PPARGC1B: variants seen among roughly 807,000 people sequenced by gnomAD.
The protein encoded by PPARGC1B is peroxisome proliferator-activated receptor gamma coactivator 1-beta.
Under a neutral mutation model 101.6 loss-of-function variants are expected in PPARGC1B, and 34 were observed. That is an observed-to-expected ratio of 0.33 (90% confidence interval 0.25 to 0.45). The LOEUF is 0.45. Among genes scored for constraint, PPARGC1B ranks in the 20% least tolerant of loss-of-function variants. The pLI, the probability that PPARGC1B is intolerant of heterozygous loss-of-function variation, is 1.00. For missense variants in PPARGC1B, 1,234 were observed against 1,317.6 expected, an observed-to-expected ratio of 0.94 and a Z score of 0.98; for synonymous variants, 548 against 539.3, an observed-to-expected ratio of 1.02 and a Z score of -0.22.
chr5:149,756,801 G>A (rs538762097), intron 1 of PPARGC1B, among the ~76,000 whole-genome samples: 37 of 152,130 alleles, frequency 2.4e-4, no homozygotes, highest in Non-Finnish European at 4.4e-4. Context: ...ACTGGCCCTC[G>A]AGCAGAGGTG....
chr5:149,811,612 G>A (rs1056473063), intron 1 of PPARGC1B, among the ~76,000 whole-genome samples: 2 of 152,216 alleles, frequency 1.3e-5, no homozygotes, highest in Non-Finnish European at 2.9e-5. Flanking sequence ...GTTATTACAG[G>A]AGAGGGTGGG....
At position 149,836,576 on chromosome 5, in the gene PPARGC1B, G is replaced by A; in HGVS notation, c.2121G>A (p.Lys707=). The part of the protein sequence containing the change: ...VLRPEGVLQR[K]VLRSWEPSGV... The stretch of plus-strand genomic sequence containing the variant: ...GACCAGAAGGCGTCCTGCAAAGGAA[G>A]GTGCTGAGGTCCTGGGAGCCGTCTG... The change falls in exon 8 of 12, where the codon AAG becomes AAA. Residue 707 remains lysine, a synonymous_variant. Transcript: ENST00000309241. The A allele has an allele frequency of 6.2e-7, 1 of 1,613,872 alleles. No homozygotes were observed. The highest frequency in any genetic ancestry group is 8.5e-7 in the Non-Finnish European group (1 of 1,180,048).
In PPARGC1B at chr5:149,845,665, C is replaced by A. The variant is rs1022911843; in HGVS notation, c.2817-95C>A. Reference sequence around the variant, plus strand: ...GGGCCACGTGATGTGGGTATCGAATCACTGTGGCAGTCGGTTCCTCATCTA... The same window carrying A: ...GGGCCACGTGATGTGGGTATCGAATAACTGTGGCAGTCGGTTCCTCATCTA... On this transcript the variant is annotated intron_variant, in intron 10 of 11. Coordinates refer to ENST00000309241, the MANE Select transcript of PPARGC1B (RefSeq NM_133263.4). 2.2e-5 allele frequency: 29 copies of A among 1,318,976 alleles called. No homozygotes were observed. The Admixed American group carries it at 5.3e-4, about 24-fold the overall frequency. 81.7% of individuals were successfully genotyped at this position (1,318,976 alleles called of 1,614,324 possible).
chr5:149,846,040 C>G, intron 11 of PPARGC1B, 126 bp downstream of exon 11: 2 of 1,135,552 alleles, frequency 1.8e-6, no homozygotes, highest in Non-Finnish European at 2.6e-6. Flanking sequence ...CCCCAGTGTG[C>G]TGCTTGGTAT....
chr5:149,854,158 A>G lies in PPARGC1B; in HGVS notation c.*6600A>G, dbSNP rs1003016549. The G allele has an allele frequency of 2.6e-5, 4 of 152,180 alleles. No individual in the cohort carries two copies. The highest frequency in any genetic ancestry group is 9.7e-5 in the African/African-American group (4 of 41,446). The allele number at this position is 152,180 out of a possible 1,614,324, so 9.4% of individuals were successfully genotyped here. A position where few individuals can be genotyped will look rare whatever the true frequency, so the allele number is the denominator to read the frequency against. On this transcript the variant is annotated 3_prime_UTR_variant, in exon 12 of 12. Transcript: ENST00000309241. The stretch of plus-strand genomic sequence containing the variant: ...CACACAGCCTAGAGAATTCTGAGCA[A>G]TAGGAGCCAGGGCTTTCCCTGACTC...
chr5:149,750,289 A>ATT (rs919958527), intron 1 of PPARGC1B, among the ~76,000 whole-genome samples: 1 of 145,748 alleles, frequency 6.9e-6, no homozygotes. Context: ...TTCAGGCCAG[A>ATT]TTTTTTTTTT....
chr5:149,781,934 T>C (rs1034602526), intron 1 of PPARGC1B, among the ~76,000 whole-genome samples: 1 of 152,150 alleles, frequency 6.6e-6, no homozygotes, highest in Non-Finnish European at 1.5e-5. Flanking sequence ...AAACAATCAT[T>C]AATGCCATTC....
intron 1 of PPARGC1B, among the ~76,000 whole-genome samples, chr5:149,781,680 C>T (rs560288113): frequency 2.6e-4 from 40 of 152,296 alleles, no homozygotes; most frequent in Middle Eastern, 3.4e-3. Context: ...TTCTGCTTTA[C>T]GGAATTTAGT....
chr5:149,798,106 T>C (rs913064370), intron 1 of PPARGC1B, among the ~76,000 whole-genome samples: 22 of 152,170 alleles, frequency 1.4e-4, no homozygotes, highest in African/African-American at 5.1e-4. Flanking sequence ...CCCAGAGAGG[T>C]TGAGTGTCTT....
At chr5:149,836,222 T>C in intron 7 of PPARGC1B, 41 bp from the exon 8 acceptor site, 1 of 1,473,424 alleles carries the variant, frequency 6.8e-7, no homozygotes, top group Non-Finnish European at 9.1e-7. Flanking sequence ...CTTGGAGAAG[T>C]GATCTGTCTT....
In PPARGC1B at chr5:149,850,501, T is replaced by C. The variant is rs2113462943; in HGVS notation, c.*2943T>C. ...CCCGTACATAAAATGCTACAAGTTC[T>C]AAAATTTACCGACCCTGCAGACAAC... is the stretch of plus-strand genomic sequence containing the variant. On this transcript the variant is annotated 3_prime_UTR_variant, in exon 12 of 12. Coordinates refer to ENST00000309241, the MANE Select transcript of PPARGC1B (RefSeq NM_133263.4). The C allele has an allele frequency of 6.6e-6, 1 of 152,336 alleles. No homozygotes were observed. Among genetic ancestry groups the C allele is most frequent in the East Asian group, 1.9e-4 (1 of 5,186 alleles). The allele number at this position is 152,336 out of a possible 1,614,324, so 9.4% of individuals were successfully genotyped here. A position where few individuals can be genotyped will look rare whatever the true frequency, so the allele number is the denominator to read the frequency against.
intron 1 of PPARGC1B, among the ~76,000 whole-genome samples, chr5:149,795,831 T>G (rs1757194759): frequency 6.6e-6 from 1 of 151,990 alleles, no homozygotes; most frequent in Non-Finnish European, 1.5e-5. Context: ...ATAACAGTGA[T>G]TAAGTACCCT....
At chr5:149,769,682 A>C (rs1038222346) in intron 1 of PPARGC1B, among the ~76,000 whole-genome samples, 1 of 152,198 alleles carries the variant, frequency 6.6e-6, no homozygotes, top group Admixed American at 6.5e-5. Flanking sequence ...GTCAGCAGCC[A>C]AACATGGGTC....
chr5:149,835,772 T>A (rs1759036893), intron 7 of PPARGC1B, among the ~76,000 whole-genome samples: 1 of 152,042 alleles, frequency 6.6e-6, no homozygotes, highest in African/African-American at 2.4e-5. Flanking sequence ...CATTAGTAGG[T>A]CACAGAAGGG....
intron 1 of PPARGC1B, among the ~76,000 whole-genome samples, chr5:149,802,235 C>G (rs1757452839): frequency 6.6e-6 from 1 of 152,204 alleles, no homozygotes; most frequent in Admixed American, 6.5e-5. Context: ...GAGCATTGTC[C>G]TACACGGTCT....
At chr5:149,756,565 G>GA (rs1755527198) in intron 1 of PPARGC1B, among the ~76,000 whole-genome samples, 1 of 152,210 alleles carries the variant, frequency 6.6e-6, no homozygotes, top group African/African-American at 2.4e-5. Context: ...TAGCAGAATG[G>GA]AAGCAGCATC....
At chr5:149,809,915 T>G (rs545004358) in intron 1 of PPARGC1B, among the ~76,000 whole-genome samples, 3 of 151,462 alleles carry the variant, frequency 2.0e-5, no homozygotes, top group African/African-American at 7.3e-5. Context: ...GGGATGAGGA[T>G]AGAAAGAAGG....
intron 1 of PPARGC1B, among the ~76,000 whole-genome samples, chr5:149,744,371 C>G (rs6888451): frequency 0.14 from 20,777 of 152,186 alleles, 1,588 homozygotes; most frequent in East Asian, 0.25. Flanking sequence ...CTACCAGAGG[C>G]AGACACGTGG....
At position 149,833,640 on chromosome 5, in the gene PPARGC1B, G is replaced by A; in HGVS notation, c.1567G>A (p.Gly523Ser). The A allele has an allele frequency of 6.2e-7, 1 of 1,610,258 alleles. No individual in the cohort carries two copies. Among genetic ancestry groups the A allele is most frequent in the South Asian group, 1.1e-5 (1 of 90,046 alleles). The change falls in exon 5 of 12, where the codon GGC becomes AGC. Residue 523 changes from glycine (G) to serine (S), a missense_variant. This residue lies in a region of PPARGC1B where 734 missense variants were observed against 768.4 expected (regional missense o/e 0.96). Transcript: ENST00000309241. This position sits in a 1 kb window ranked among gnomAD's most constrained non-coding sequence, Gnocchi z 4.1. ...PKAYDVERELGSPTDEDSGQD... is the reference protein window; with the variant it reads ...PKAYDVERELSSPTDEDSGQD... ...GGCCTACGACGTAGAGCGGGAGCTG[G>A]GCAGCCCCACGGACGAGGACAGTGG...
Sources: gnomAD v4.1 joint callset for allele counts (sites outside exome capture counted in the v4.1 genomes callset) on GRCh38, gnomAD v4.1.1 for gene constraint, gnomAD v4.1.1 regional missense constraint, Gnocchi (gnomAD v3.1) non-coding constraint, MANE v1.5 for transcripts, NCBI Gene and HGNC (gene_info 2026-07-23, HGNC 2026-07-21) for gene names.